CHST9: variants seen among roughly 807,000 people sequenced by gnomAD.
CHST9 encodes GalNAc-4-sulfotransferase 2.
Under a neutral mutation model 44.4 loss-of-function variants are expected in CHST9, and 41 were observed. That is an observed-to-expected ratio of 0.92 (90% CI 0.72 to 1.20). The LOEUF (loss-of-function observed/expected upper bound fraction) is 1.20, where lower values mean the gene tolerates loss of function less well. CHST9 is among the 50% of genes most tolerant of loss of function. CHST9 has a pLI of 0.00. For missense variants in CHST9, 504 were observed against 516.5 expected, an observed-to-expected ratio of 0.98 and a Z score of 0.23; for synonymous variants, 171 against 178.4, an observed-to-expected ratio of 0.96 and a Z score of 0.33.
chr18:26,996,329 C>T (rs2056887571), intron 4 of CHST9, among the ~76,000 whole-genome samples: 1 of 152,136 alleles, frequency 6.6e-6, no homozygotes. Context: ...CTCCAAATCC[C>T]ACGTTGAAAG....
intron 2 of CHST9, among the ~76,000 whole-genome samples, chr18:27,138,279 T>C (rs1441062127): frequency 1.3e-5 from 2 of 152,316 alleles, no homozygotes; most frequent in Non-Finnish European, 1.5e-5. Flanking sequence ...ACCATGGTGC[T>C]CAGCACATCC....
In CHST9 at chr18:27,043,385, C is replaced by T. The variant is rs572454381; in HGVS notation, c.160+5080G>A. On this transcript the variant is annotated intron_variant, in intron 3 of 5. Transcript: ENST00000618847. ...AAATTCTGTCCCCATATCACACATG[C>T]CACATTATAATCAACATAGATACGA... 2.0e-5 allele frequency among the ~76,000 whole-genome samples: 3 copies of T among 151,958 alleles called. No individual in the cohort carries two copies. In the East Asian group the frequency reaches 5.8e-4, roughly 29 times the overall value.
intron 4 of CHST9, among the ~76,000 whole-genome samples, chr18:26,972,639 ATT>A (rs2056564572): frequency 6.6e-6 from 1 of 152,152 alleles, no homozygotes; most frequent in Admixed American, 6.5e-5. Flanking sequence ...CCGTGTCAGA[ATT>A]GGAGGCAGAA....
In CHST9 at chr18:26,943,179, A is replaced by G. The variant is rs537966802; in HGVS notation, c.240+1150T>C. ...AATGGCCAAATGATTTTGCTATTTC[A>G]CAATGATGGCATTTTCAAGTATTAA... On this transcript the variant is annotated intron_variant, in intron 5 of 5. Coordinates refer to ENST00000618847, the MANE Select transcript of CHST9 (RefSeq NM_031422.6). 2.6e-5 allele frequency among the ~76,000 whole-genome samples: 4 copies of G among 152,378 alleles called. 1 individual carries two copies. In the South Asian group the frequency reaches 8.3e-4, roughly 32 times the overall value.
At chr18:27,010,161 G>T (rs897059576) in intron 4 of CHST9, among the ~76,000 whole-genome samples, 1 of 151,986 alleles carries the variant, frequency 6.6e-6, no homozygotes, top group Non-Finnish European at 1.5e-5. Context: ...TTTTTCATAT[G>T]AAGTAAATTT....
intron 2 of CHST9, among the ~76,000 whole-genome samples, chr18:27,096,801 G>GA (rs1001095294): frequency 2.7e-5 from 4 of 150,868 alleles, no homozygotes; most frequent in Admixed American, 1.3e-4. Flanking sequence ...TTCTACCAAC[G>GA]AAAAAAAAGC....
At chr18:26,920,853 G>C (rs1011826777) in intron 5 of CHST9, among the ~76,000 whole-genome samples, 3 of 152,160 alleles carry the variant, frequency 2.0e-5, no homozygotes, top group African/African-American at 4.8e-5. Context: ...TGGAGGCTTC[G>C]TGTTTAACCT....
chr18:26,985,168 T>A (rs928393184), intron 4 of CHST9, among the ~76,000 whole-genome samples: 1 of 152,172 alleles, frequency 6.6e-6, no homozygotes, highest in Non-Finnish European at 1.5e-5. Context: ...GCAACAAGAA[T>A]GAATGAACTA....
intron 4 of CHST9, among the ~76,000 whole-genome samples, chr18:26,999,194 C>G (rs967088308): frequency 5.3e-5 from 8 of 152,168 alleles, no homozygotes; most frequent in Admixed American, 4.6e-4. Flanking sequence ...TTATATGAAA[C>G]AGTATTTGCT....
intron 2 of CHST9, among the ~76,000 whole-genome samples, chr18:27,136,600 G>T (rs2058514949): frequency 6.6e-6 from 1 of 152,138 alleles, no homozygotes; most frequent in Non-Finnish European, 1.5e-5. Flanking sequence ...GAATACTAAT[G>T]GTACCTATCT....
chr18:27,138,032 A>T (rs2081640), intron 2 of CHST9, among the ~76,000 whole-genome samples: 1 of 151,730 alleles, frequency 6.6e-6, no homozygotes. Context: ...TCCTTCTAGC[A>T]CTTCTATCTG....
intron 2 of CHST9, among the ~76,000 whole-genome samples, chr18:27,134,873 A>G (rs184702408): frequency 6.6e-6 from 1 of 152,300 alleles, no homozygotes; most frequent in Admixed American, 6.5e-5. Context: ...AGAAGTATAC[A>G]AGAAAAATGT....
chr18:27,184,055 T>G (rs1243603910), intron 1 of CHST9, among the ~76,000 whole-genome samples: 1 of 152,132 alleles, frequency 6.6e-6, no homozygotes, highest in East Asian at 1.9e-4. Flanking sequence ...ATTCTGAGGT[T>G]AAAGCGAAGA....
At chr18:26,972,357 C>CAAA (rs887066938) in intron 4 of CHST9, among the ~76,000 whole-genome samples, 5,534 of 64,972 alleles carry the variant, frequency 0.085, 194 homozygotes, top group East Asian at 0.18. Flanking sequence ...ACTCCAACTC[C>CAAA]AAAAAAAAAA....
chr18:27,167,027 G>A (rs1245727812), intron 1 of CHST9, among the ~76,000 whole-genome samples: 4 of 152,200 alleles, frequency 2.6e-5, no homozygotes, highest in Admixed American at 2.6e-4. Context: ...AAGTTTGTTT[G>A]CACAGATTTT....
At chr18:27,133,246 G>A (rs1056019827) in intron 2 of CHST9, among the ~76,000 whole-genome samples, 5 of 152,176 alleles carry the variant, frequency 3.3e-5, no homozygotes, top group Non-Finnish European at 4.4e-5. Context: ...AACATGTTGG[G>A]AGAACAAACA....
chr18:27,065,536 A>G (rs115227597), intron 2 of CHST9, among the ~76,000 whole-genome samples: 5,011 of 152,016 alleles, frequency 0.033, 225 homozygotes, highest in African/African-American at 0.1. Flanking sequence ...GAGAGTGGAG[A>G]AAAGGAAAGG....
intron 4 of CHST9, among the ~76,000 whole-genome samples, chr18:26,977,389 C>T (rs2056636014): frequency 1.4e-5 from 2 of 145,548 alleles, no homozygotes; most frequent in Non-Finnish European, 3.0e-5. Flanking sequence ...TTAAAGTTGG[C>T]TGCAGTTATT....
At chr18:27,138,227 G>GA (rs1269494277) in intron 2 of CHST9, among the ~76,000 whole-genome samples, 1 of 152,106 alleles carries the variant, frequency 6.6e-6, no homozygotes, top group Non-Finnish European at 1.5e-5. Flanking sequence ...CTCTCCTTGA[G>GA]AAAAAGGATT....
Sources: allele counts gnomAD v4.1 joint callset (sites outside exome capture counted in the v4.1 genomes callset), GRCh38; gene constraint gnomAD v4.1.1; transcripts MANE v1.5; gene names NCBI Gene and HGNC (gene_info 2026-07-23, HGNC 2026-07-21).